TRIM44: variants seen among roughly 807,000 people sequenced by gnomAD.
TRIM44 encodes tripartite motif containing 44, also known as tripartite motif-containing protein 44.
In TRIM44, 13 loss-of-function variants were observed where a neutral mutation model predicts 37.4. The observed-to-expected ratio is 0.35, with a 90% CI of 0.23 to 0.55. TRIM44 has a LOEUF of 0.55. TRIM44 is among the 20% of genes least tolerant of loss of function. The pLI is 0.89. For synonymous variants in TRIM44, 175 were observed against 157.2 expected, an observed-to-expected ratio of 1.11 and a Z score of -0.85; for missense variants, 426 against 437.2, an observed-to-expected ratio of 0.97 and a Z score of 0.23.
chr11:35,754,433 T>C (rs1852600673), intron 4 of TRIM44, among the ~76,000 whole-genome samples: 1 of 152,202 alleles, frequency 6.6e-6, no homozygotes. Flanking sequence ...CTCCTACCTT[T>C]CTTTCAAGGT....
chr11:35,793,972 TATTA>T (rs1853250483), intron 4 of TRIM44, among the ~76,000 whole-genome samples: 3 of 152,252 alleles, frequency 2.0e-5, no homozygotes, highest in Admixed American at 2.0e-4. Context: ...AACTTCCATT[TATTA>T]ATTGTAAGTG....
At chr11:35,729,935 G>T (rs1852232587) in intron 3 of TRIM44, among the ~76,000 whole-genome samples, 1 of 152,180 alleles carries the variant, frequency 6.6e-6, no homozygotes, top group African/African-American at 2.4e-5. Flanking sequence ...TGTGTTCACA[G>T]CACTATACCC....
chr11:35,685,089 C>G (rs1422077702), intron 1 of TRIM44, among the ~76,000 whole-genome samples, 170 bp from the exon 2 acceptor site: 3 of 152,224 alleles, frequency 2.0e-5, no homozygotes, highest in Admixed American at 6.5e-5. Flanking sequence ...TCCTGACACT[C>G]TTTGTCCATA....
intron 4 of TRIM44, among the ~76,000 whole-genome samples, chr11:35,769,217 T>C (rs1852835459): frequency 6.6e-6 from 1 of 152,232 alleles, no homozygotes; most frequent in Admixed American, 6.5e-5. Flanking sequence ...CTCATCATCT[T>C]GTTTGGCTAT....
chr11:35,713,578 A>G (rs368765807), intron 2 of TRIM44, among the ~76,000 whole-genome samples: 17 of 150,494 alleles, frequency 1.1e-4, no homozygotes, highest in South Asian at 2.1e-4. Context: ...AGTTTTATCT[A>G]TAAAGGAGGA....
intron 2 of TRIM44, among the ~76,000 whole-genome samples, chr11:35,701,206 T>C (rs1391979546): frequency 2.0e-5 from 3 of 152,186 alleles, no homozygotes; most frequent in Non-Finnish European, 4.4e-5. Flanking sequence ...CCTTAGATTT[T>C]GGGTAGATCT....
intron 2 of TRIM44, among the ~76,000 whole-genome samples, chr11:35,700,535 C>A (rs1851772989): frequency 6.6e-6 from 1 of 152,164 alleles, no homozygotes; most frequent in South Asian, 2.1e-4. Flanking sequence ...CTCTTAGCAA[C>A]TTTTACTTTT....
In TRIM44 at chr11:35,815,228, C is replaced by T. The variant is rs1368550721; in HGVS notation, c.*8843C>T. 1 of 152,170 alleles carries T rather than the reference C, an allele frequency of 6.6e-6. No individual in the cohort carries two copies. The highest frequency in any genetic ancestry group is 1.9e-4 in the East Asian group (1 of 5,188). 9.4% of individuals were successfully genotyped at this position (152,170 alleles called of 1,614,324 possible). On this transcript the variant is annotated 3_prime_UTR_variant, in exon 5 of 5. Transcript: ENST00000299413. The stretch of plus-strand genomic sequence containing the variant: ...GCTTGAGGGTGGCCATTTGTTGCCT[C>T]ACTGTTTTTATTAGGACATCTGGAG...
At chr11:35,783,206 A>G (rs1247903662) in intron 4 of TRIM44, among the ~76,000 whole-genome samples, 1 of 152,212 alleles carries the variant, frequency 6.6e-6, no homozygotes, top group African/African-American at 2.4e-5. Context: ...CCCCAGGATC[A>G]CAAAGCTAGT....
intron 1 of TRIM44, 97 bp downstream of exon 1, chr11:35,663,877 C>T (rs1851304638): frequency 7.1e-7 from 1 of 1,408,340 alleles, no homozygotes; most frequent in African/African-American, 1.4e-5. Context: ...TTCACTGTGT[C>T]CCTAAGAAGC....
At chr11:35,795,574 G>A (rs544358118) in intron 4 of TRIM44, among the ~76,000 whole-genome samples, 4 of 152,124 alleles carry the variant, frequency 2.6e-5, no homozygotes, top group African/African-American at 4.8e-5. Context: ...AGCTGTCACC[G>A]TCTTTATTTT....
chr11:35,721,499 G>A (rs1050062218), intron 2 of TRIM44, among the ~76,000 whole-genome samples: 17 of 152,058 alleles, frequency 1.1e-4, no homozygotes, highest in African/African-American at 3.4e-4. Context: ...GTAACTAAGC[G>A]GTTAACTGAG....
rs1853486041 is a variant in TRIM44 at position 35,808,576 on chromosome 11, A to T, written c.*2191A>T. On this transcript the variant is annotated 3_prime_UTR_variant, in exon 5 of 5. Coordinates refer to ENST00000299413, the MANE Select transcript of TRIM44 (RefSeq NM_017583.6). Reference sequence around the variant, plus strand: ...GGAAATTCAAGCATTTATGCAGTGGATATAAATGGAAATATAAAAATATTT... The same window carrying T: ...GGAAATTCAAGCATTTATGCAGTGGTTATAAATGGAAATATAAAAATATTT... The T allele has an allele frequency of 6.6e-6, 1 of 152,186 alleles. No individual in the cohort carries two copies. Among genetic ancestry groups the T allele is most frequent in the South Asian group, 2.1e-4 (1 of 4,826 alleles). The allele number at this position is 152,186 out of a possible 1,614,324, so 9.4% of individuals were successfully genotyped here. A position where few individuals can be genotyped will look rare whatever the true frequency, so the allele number is the denominator to read the frequency against.
chr11:35,672,580 A>G (rs181930212), intron 1 of TRIM44, among the ~76,000 whole-genome samples: 23 of 152,206 alleles, frequency 1.5e-4, no homozygotes, highest in Admixed American at 6.5e-4. Context: ...ATTTGGGGAG[A>G]ATGTTTGGTT....
rs780476657 is a variant in TRIM44 at position 35,663,377 on chromosome 11, G to A, written c.266G>A (p.Arg89Lys). 3.5e-5 allele frequency: 57 copies of A among 1,611,416 alleles called. No individual in the cohort carries two copies. Among genetic ancestry groups the A allele is most frequent in the Admixed American group, 1.7e-5 (1 of 59,528 alleles). ...GCGGAGGTCAAGGTGGAGCAGGAGA[G>A]GGAGATAGAAAGCGAGGCAGGGGAA... is the stretch of plus-strand genomic sequence containing the variant. ...EEAEVKVEQE[R>K]EIESEAGEES... Residue 89 changes from arginine (R) to lysine (K), a missense_variant, in exon 1 of 5, where the codon AGG (arginine) becomes AAG (lysine). By Grantham distance (26) the Arg-to-Lys change is conservative. This residue lies in a region of TRIM44 where 331 missense variants were observed against 303.0 expected (regional missense o/e 1.09). Transcript: ENST00000299413.
chr11:35,700,928 A>G (rs907804342), intron 2 of TRIM44, among the ~76,000 whole-genome samples: 2 of 152,224 alleles, frequency 1.3e-5, no homozygotes, highest in African/African-American at 2.4e-5. Context: ...AATTAATTAG[A>G]GCTGTTTTAT....
At chr11:35,775,635 A>G (rs9736976) in intron 4 of TRIM44, among the ~76,000 whole-genome samples, 2 of 152,166 alleles carry the variant, frequency 1.3e-5, no homozygotes, top group Non-Finnish European at 2.9e-5. Flanking sequence ...CCATTTTGAG[A>G]TACATCCCAT....
intron 4 of TRIM44, among the ~76,000 whole-genome samples, chr11:35,763,116 T>A (rs1323439827): frequency 6.6e-6 from 1 of 152,154 alleles, no homozygotes; most frequent in Non-Finnish European, 1.5e-5. Context: ...TCCTTTATTC[T>A]AAGACCAAAG....
intron 2 of TRIM44, among the ~76,000 whole-genome samples, chr11:35,693,011 C>G (rs1273410920): frequency 6.6e-6 from 1 of 152,008 alleles, no homozygotes; most frequent in African/African-American, 2.4e-5. Flanking sequence ...GTTGGGCAGC[C>G]CCCCAGAATC....
Sources: allele counts gnomAD v4.1 joint callset (sites outside exome capture counted in the v4.1 genomes callset), GRCh38; gene constraint gnomAD v4.1.1; regional missense constraint gnomAD v4.1.1; transcripts MANE v1.5; gene names NCBI Gene and HGNC (gene_info 2026-07-23, HGNC 2026-07-21).